The following STAG2 variants were observed in gnomAD, a reference collection of about 807,000 sequenced individuals.
STAG2 encodes cohesin subunit SA-2.
In STAG2, 14 loss-of-function variants were observed where a neutral mutation model predicts 108.1. The observed-to-expected ratio is 0.13, with a 90% CI of 0.09 to 0.20. The LOEUF (loss-of-function observed/expected upper bound fraction) is 0.20, where lower values mean the gene tolerates loss of function less well. Ranked by LOEUF, STAG2 falls within the 10% of genes least tolerant of loss-of-function variation. The pLI is 1.00. For synonymous variants in STAG2, 307 were observed against 302.7 expected, an observed-to-expected ratio of 1.01 and a Z score of -0.15; for missense variants, 440 against 940.9, an observed-to-expected ratio of 0.47 and a Z score of 6.96.
chrX:124,018,675 A>AT (rs746112163), intron 1 of STAG2, among the ~76,000 whole-genome samples: 6 of 109,837 alleles, frequency 5.5e-5, no homozygotes, highest in Admixed American at 2.0e-4. Flanking sequence ...TGATTTTTTG[A>AT]TTTTTTGTTG....
chrX:124,072,258 G>A (rs2058681852), intron 25 of STAG2, among the ~76,000 whole-genome samples: 1 of 111,441 alleles, frequency 9.0e-6, no homozygotes, highest in African/African-American at 3.3e-5. Context: ...TCTTGCCTCG[G>A]CCTCCCAAAC....
At chrX:124,058,009 T>A (rs2058258480) in intron 15 of STAG2, 32 bp downstream of exon 15, 1 of 1,006,053 alleles carries the variant, frequency 9.9e-7, no homozygotes, top group Non-Finnish European at 1.3e-6. Context: ...TATACTTAGG[T>A]TCGAAAAATT....
intron 1 of STAG2, among the ~76,000 whole-genome samples, chrX:123,992,620 C>T (rs2055537041): frequency 9.1e-6 from 1 of 110,178 alleles, no homozygotes; most frequent in Admixed American, 9.8e-5. Flanking sequence ...CTCACTGAAA[C>T]GTCTACCTCC....
intron 1 of STAG2, among the ~76,000 whole-genome samples, chrX:124,000,889 G>A (rs774101509): frequency 3.6e-5 from 4 of 110,518 alleles, no homozygotes; most frequent in Non-Finnish European, 7.6e-5. Flanking sequence ...GTGTCTTAGC[G>A]TTTAACGAAA....
intron 10 of STAG2, among the ~76,000 whole-genome samples, chrX:124,049,850 A>G (rs2057983989): frequency 8.9e-6 from 1 of 112,283 alleles, no homozygotes; most frequent in South Asian, 3.7e-4. Flanking sequence ...TTACCTGGAA[A>G]TTACGCTCTA....
intron 1 of STAG2, among the ~76,000 whole-genome samples, chrX:123,970,645 AGTT>A (rs2054313614): frequency 1.8e-5 from 2 of 111,952 alleles, no homozygotes; most frequent in South Asian, 7.4e-4. Flanking sequence ...AGTGCTGCTT[AGTT>A]GTTTGAAAGA....
Position 124,015,956 on chromosome X carries a change from T to A in STAG2, c.-162-5411T>A, listed in dbSNP as rs374751595. ...AAAAGGAACATACCTTTGGGTCTTG[T>A]TGTCAGGAGCCTGTAAGAAAGTTTA... On this transcript the variant is annotated intron_variant, in intron 1 of 34. Coordinates refer to ENST00000371145, the MANE Select transcript of STAG2 (RefSeq NM_001042750.2). Among the ~76,000 whole-genome samples the A allele has an allele frequency of 2.6e-4, 29 of 111,660 alleles. No homozygotes were observed. In the South Asian group the frequency reaches 9.0e-3, roughly 35 times the overall value.
chrX:123,967,390 C>T (rs1167369694), intron 1 of STAG2, among the ~76,000 whole-genome samples: 6 of 107,398 alleles, frequency 5.6e-5, no homozygotes, highest in Admixed American at 3.0e-4. Flanking sequence ...CTCGGCCTCC[C>T]GAGTAGCTGG....
chrX:123,988,319 A>C (rs2055292347), intron 1 of STAG2, among the ~76,000 whole-genome samples: 1 of 111,298 alleles, frequency 9.0e-6, no homozygotes, highest in Non-Finnish European at 1.9e-5. Flanking sequence ...TTTACCATGG[A>C]GTTTCACTAT....
rs377029295 is a variant in STAG2, at chrX:124,100,636, T to C, written c.*39T>C. 6.6e-5 allele frequency: 73 copies of C among 1,108,537 alleles called. No individual in the cohort carries two copies. Among genetic ancestry groups the C allele is most frequent in the Non-Finnish European group, 8.1e-5 (65 of 807,109 alleles). The allele number at this position is 1,108,537 out of a possible 1,213,427, so 91.4% of individuals were successfully genotyped here. A position where few individuals can be genotyped will look rare whatever the true frequency, so the allele number is the denominator to read the frequency against. On this transcript the variant is annotated 3_prime_UTR_variant, in exon 35 of 35. Coordinates refer to ENST00000371145, the MANE Select transcript of STAG2 (RefSeq NM_001042750.2). Reference sequence around the variant, plus strand: ...TTAAATCTGTGGTGAAGTCATTTTCTAAGTGGAAGAGGAAATTTTAAAGTG... The same window carrying C: ...TTAAATCTGTGGTGAAGTCATTTTCCAAGTGGAAGAGGAAATTTTAAAGTG...
At chrX:124,079,895 C>G (rs2058908716) in intron 27 of STAG2, among the ~76,000 whole-genome samples, 2 of 109,528 alleles carry the variant, frequency 1.8e-5, no homozygotes, top group Non-Finnish European at 3.8e-5. Flanking sequence ...TTAATAAACA[C>G]TGAACACATT....
At chrX:123,993,109 G>A (rs1388417349) in intron 1 of STAG2, among the ~76,000 whole-genome samples, 1 of 110,714 alleles carries the variant, frequency 9.0e-6, no homozygotes, top group Non-Finnish European at 1.9e-5. Context: ...TTTCTAGTTG[G>A]GTAAACTTTT....
At chrX:124,064,420 G>A (rs2058462521) in intron 20 of STAG2, among the ~76,000 whole-genome samples, 1 of 109,905 alleles carries the variant, frequency 9.1e-6, no homozygotes, top group Non-Finnish European at 1.9e-5. Flanking sequence ...TGTTTTGGCA[G>A]TGTAGGTTAG....
intron 1 of STAG2, among the ~76,000 whole-genome samples, chrX:124,007,104 G>A (rs909247623): frequency 4.6e-5 from 5 of 108,200 alleles, no homozygotes; most frequent in African/African-American, 1.4e-4. Flanking sequence ...GGGCTCAAGC[G>A]ATCTCTCTCT....
intron 1 of STAG2, among the ~76,000 whole-genome samples, chrX:123,991,656 C>A (rs2055472423): frequency 9.6e-6 from 1 of 104,017 alleles, no homozygotes. Context: ...CCCGGCCCAA[C>A]AACTATTTTC....
chrX:123,978,744 C>T (rs1454387229), intron 1 of STAG2, among the ~76,000 whole-genome samples: 1 of 111,931 alleles, frequency 8.9e-6, no homozygotes, highest in African/African-American at 3.2e-5. Flanking sequence ...AAGAAATGTT[C>T]ATTGGAACAT....
intron 1 of STAG2, among the ~76,000 whole-genome samples, chrX:123,992,160 CTG>C (rs2055515911): frequency 9.0e-6 from 1 of 111,253 alleles, no homozygotes; most frequent in South Asian, 3.7e-4. Context: ...TGAGGGATGA[CTG>C]TATTTGTTTT....
intron 3 of STAG2, among the ~76,000 whole-genome samples, chrX:124,024,693 C>T (rs2057042475): frequency 1.8e-5 from 2 of 111,619 alleles, no homozygotes; most frequent in Non-Finnish European, 3.8e-5. Context: ...GCCTCTGCTA[C>T]CTCATAGCCT....
rs1170068049 is a variant in STAG2 at position 124,005,001 on chromosome X, CTTAAGT to C, written c.-162-16362_-162-16357del. Among the ~76,000 whole-genome samples the C allele has an allele frequency of 2.6e-4, 29 of 111,793 alleles. No homozygotes were observed. The East Asian group carries it at 8.1e-3, about 31-fold the overall frequency. On this transcript the variant is annotated intron_variant, in intron 1 of 34. Transcript: ENST00000371145. ...TCGATGATACCAAAATCCATGGATG[CTTAAGT>C]TTATTAGATAAAATGGCATAGTGTT...
Sources: allele counts gnomAD v4.1 joint callset (sites outside exome capture counted in the v4.1 genomes callset), GRCh38; gene constraint gnomAD v4.1.1; transcripts MANE v1.5; gene names NCBI Gene and HGNC (gene_info 2026-07-23, HGNC 2026-07-21).